PFKL: variants seen among roughly 807,000 people sequenced by gnomAD.
The protein encoded by PFKL is ATP-dependent 6-phosphofructokinase, liver type.
Under a neutral mutation model 92.1 loss-of-function variants are expected in PFKL, and 74 were observed. The observed-to-expected ratio is 0.80, with a 90% CI of 0.67 to 0.97. PFKL has a LOEUF of 0.97. Ranked by LOEUF, PFKL falls within the 50% of genes least tolerant of loss-of-function variation. The probability of loss-of-function intolerance (pLI) is 0.00; values close to 1 mark genes in which losing one functional copy is unlikely to be tolerated. For synonymous variants in PFKL, 494 were observed against 456.4 expected (o/e 1.08, Z -1.05); for missense variants, 1,028 against 1,116.6 (o/e 0.92, Z 1.13).
chr21:44,319,521 A>G, intron 11 of PFKL, 106 bp downstream of exon 11: 1 of 957,544 alleles, frequency 1.0e-6, no homozygotes, highest in Non-Finnish European at 1.7e-6. Flanking sequence ...TCATCCTTCT[A>G]GGCACCGCGT....
At chr21:44,309,844 C>A (rs1054759790) in intron 2 of PFKL, among the ~76,000 whole-genome samples, 2 of 152,234 alleles carry the variant, frequency 1.3e-5, no homozygotes, top group Non-Finnish European at 2.9e-5. Flanking sequence ...GGGCACCTGT[C>A]CCCCAGCCCA....
chr21:44,316,761 G>A (rs1287678116), intron 9 of PFKL, among the ~76,000 whole-genome samples: 3 of 152,054 alleles, frequency 2.0e-5, no homozygotes, highest in African/African-American at 7.2e-5. Flanking sequence ...GTGTGTCAGT[G>A]TGGGTGTGTG....
In PFKL at chr21:44,324,498, A is replaced by G; in HGVS notation, c.1658A>G (p.Asp553Gly). 2 of 1,613,112 alleles carry G rather than the reference A, an allele frequency of 1.2e-6. No homozygotes were observed. Among genetic ancestry groups the G allele is most frequent in the Non-Finnish European group, 8.5e-7 (1 of 1,179,824 alleles). The change falls in exon 17 of 22, where the codon GAC becomes GGC. Residue 553 changes from aspartate to glycine, a missense_variant. Asp to Gly is a moderately conservative substitution (Grantham distance 94). Transcript: ENST00000349048. ...TAVNAAMESC[D>G]RIKQSASGTK... ...CCCCCCCTTGTCCCCCAGAGCTGTG[A>G]CCGCATCAAACAGTCTGCCTCGGGG...
At chr21:44,319,211 T>A (rs538962025) in intron 10 of PFKL, 140 bp from the exon 11 acceptor site, 1 of 703,790 alleles carries the variant, frequency 1.4e-6, no homozygotes, top group East Asian at 2.6e-5. Flanking sequence ...CCGCTGTTCC[T>A]AGGGAGAGGC....
At position 44,326,969 on chromosome 21, in the gene PFKL, G is replaced by A; in HGVS notation, c.*107G>A. ...GTCTGGAGCCTGCAGGCAGGTGGGG[G>A]CTGCGTCCCTGCTCAGCCCATCCCC... On this transcript the variant is annotated 3_prime_UTR_variant, in exon 22 of 22. Transcript: ENST00000349048. The A allele has an allele frequency of 9.6e-7, 1 of 1,044,590 alleles. No homozygotes were observed. The highest frequency in any genetic ancestry group is 1.4e-6 in the Non-Finnish European group (1 of 705,768). The allele number at this position is 1,044,590 out of a possible 1,614,324, so 64.7% of individuals were successfully genotyped here. A position where few individuals can be genotyped will look rare whatever the true frequency, so the allele number is the denominator to read the frequency against.
chr21:44,320,785 G>T (rs2047335742), intron 12 of PFKL: 1 of 152,324 alleles, frequency 6.6e-6, no homozygotes, highest in Non-Finnish European at 1.5e-5. Flanking sequence ...CCAAAATAAG[G>T]ATGAAATGGC....
At chr21:44,310,434 C>T (rs1245305091) in intron 2 of PFKL, among the ~76,000 whole-genome samples, 6 of 152,152 alleles carry the variant, frequency 3.9e-5, no homozygotes, top group Non-Finnish European at 7.4e-5. Flanking sequence ...GGAGCTCCCT[C>T]GGGTGGGGGC....
chr21:44,306,014 C>A lies in PFKL; in HGVS notation c.86-667C>A, dbSNP rs556649941. 71 of 1,189,626 alleles carry A rather than the reference C, an allele frequency of 6.0e-5. 1 individual carries two copies. In the South Asian group the frequency reaches 8.9e-4, roughly 15 times the overall value. 73.7% of individuals were successfully genotyped at this position (1,189,626 alleles called of 1,614,324 possible). A position where few individuals can be genotyped will look rare whatever the true frequency, so the allele number is the denominator to read the frequency against. ...GGCCGGAGGGGCTCTGTTCTCAGTC[C>A]CCCATCTCATTGCGGAGGAAGGAGC... On this transcript the variant is annotated intron_variant, in intron 1 of 21. Transcript: ENST00000349048.
chr21:44,314,370 C>T, intron 7 of PFKL: 3 of 279,320 alleles, frequency 1.1e-5, no homozygotes, highest in Non-Finnish European at 2.0e-5. Context: ...GAGGGAGTGG[C>T]CCCAGCAAGG....
intron 1 of PFKL, among the ~76,000 whole-genome samples, chr21:44,303,066 C>A (rs1027713702): frequency 6.6e-6 from 1 of 152,034 alleles, no homozygotes; most frequent in African/African-American, 2.4e-5. Context: ...AACCTCGTCT[C>A]TACTAAAAAT....
rs118169148 is a variant in PFKL at position 44,305,863 on chromosome 21, C to T, written c.86-818C>T. The T allele has an allele frequency of 0.043, 58,602 of 1,366,024 alleles. 1,515 individuals are homozygous for T. The highest frequency in any genetic ancestry group is 0.05 in the Non-Finnish European group (50,977 of 1,021,372). 84.6% of individuals were successfully genotyped at this position (1,366,024 alleles called of 1,614,324 possible). A position where few individuals can be genotyped will look rare whatever the true frequency, so the allele number is the denominator to read the frequency against. On this transcript the variant is annotated intron_variant, in intron 1 of 21. Transcript: ENST00000349048. Reference sequence around the variant, plus strand: ...TTTCTTTCACTGCAGTCCTGGGAGCCGAGGGCAAGGGGACAGGAAAGAGGA... The same window carrying T: ...TTTCTTTCACTGCAGTCCTGGGAGCTGAGGGCAAGGGGACAGGAAAGAGGA...
intron 16 of PFKL, 85 bp downstream of exon 16, chr21:44,324,003 T>G: frequency 6.6e-7 from 1 of 1,515,190 alleles, no homozygotes; most frequent in Non-Finnish European, 9.1e-7. Flanking sequence ...GAGGGGATAG[T>G]GTGTGGTGAG....
chr21:44,325,752 C>G, intron 19 of PFKL: 1 of 573,380 alleles, frequency 1.7e-6, no homozygotes, highest in South Asian at 2.2e-5. Context: ...CTGCCGGCCT[C>G]GGGAGGCAGC....
chr21:44,313,960 TC>T lies in PFKL; in HGVS notation c.687del (p.Phe229LeufsTer29). The T allele has an allele frequency of 6.2e-7, 1 of 1,608,178 alleles. No individual in the cohort carries two copies. Among genetic ancestry groups the T allele is most frequent in the African/African-American group, 1.3e-5 (1 of 75,014 alleles). On this transcript the variant is annotated frameshift_variant, in exon 7 of 22. Transcript: ENST00000349048. LOFTEE classifies it high-confidence loss of function. ...CTGGCCTCAGGGGCCGACTGGCTGTTCATCCCCGAGGCTCCACCCGAGGACG... is the reference window on the plus strand; with the variant it reads ...CTGGCCTCAGGGGCCGACTGGCTGTTATCCCCGAGGCTCCACCCGAGGACG... The part of the protein sequence containing the change: ...SALASGADWL[F>X]IPEAPPEDGW...
intron 15 of PFKL, among the ~76,000 whole-genome samples, chr21:44,323,266 T>G (rs556788157): frequency 6.6e-6 from 1 of 152,138 alleles, no homozygotes; most frequent in Non-Finnish European, 1.5e-5. Context: ...AAGTGCTGTG[T>G]GTGGGCTCGG....
rs1188580163 is a variant in PFKL at position 44,324,447 on chromosome 21, AG to A, written c.1651-41del. On this transcript the variant is annotated intron_variant, in intron 16 of 21. Coordinates refer to ENST00000349048, the MANE Select transcript of PFKL (RefSeq NM_002626.6). ...TAGCCATGCCGACGGCCTACAGGGA[AG>A]GGTGGGCACGTGGAGGACCCCCGAC... 5 of 1,604,072 alleles carry A rather than the reference AG, an allele frequency of 3.1e-6. No individual in the cohort carries two copies. The African/African-American group carries it at 6.7e-5, about 21-fold the overall frequency.
At chr21:44,315,468 C>G (rs371371415) in intron 7 of PFKL, 1 of 152,524 alleles carries the variant, frequency 6.6e-6, no homozygotes, top group Non-Finnish European at 1.5e-5. Flanking sequence ...CTCCAGGTAG[C>G]CCTCCACTCC....
rs532424992 is a variant in PFKL, at chr21:44,317,393, C to T, written c.936+869C>T. Among the ~76,000 whole-genome samples the T allele has an allele frequency of 1.2e-4, 19 of 152,312 alleles. No individual in the cohort carries two copies. In the South Asian group the frequency reaches 3.3e-3, roughly 27 times the overall value. On this transcript the variant is annotated intron_variant, in intron 9 of 21. Coordinates refer to ENST00000349048, the MANE Select transcript of PFKL (RefSeq NM_002626.6). ...AGGCTTCCTCAGAGAGGGGCCCCGC[C>T]GACCTAGCCAGGCAGCTGCTGTCCC...
Position 44,326,714 on chromosome 21 carries a change from G to C in PFKL, c.2196-1G>C. ...CATCCTCCCATCCCCGTCCTGCACAGGCACCGCATGCCACGGGAGCAGTGG... is the reference window on the plus strand; with the variant it reads ...CATCCTCCCATCCCCGTCCTGCACACGCACCGCATGCCACGGGAGCAGTGG... On this transcript the variant is annotated splice_acceptor_variant, in intron 21 of 21. Transcript: ENST00000349048. LOFTEE classifies it high-confidence loss of function. 6.2e-7 allele frequency: 1 copy of C among 1,611,708 alleles called. No homozygotes were observed. The highest frequency in any genetic ancestry group is 8.5e-7 in the Non-Finnish European group (1 of 1,179,446).
Sources: gnomAD v4.1 joint callset for allele counts (sites outside exome capture counted in the v4.1 genomes callset) on GRCh38, gnomAD v4.1.1 for gene constraint, MANE v1.5 for transcripts, NCBI Gene and HGNC (gene_info 2026-07-23, HGNC 2026-07-21) for gene names.